Variants in SNTG1 observed in about 807,000 individuals in gnomAD.
The protein encoded by SNTG1 is gamma-1-syntrophin.
SNTG1 carries 39 observed loss-of-function variants against 74.7 expected under a neutral mutation model. That is an observed-to-expected ratio of 0.52 (90% CI 0.40 to 0.68). SNTG1 has a LOEUF of 0.68. SNTG1 is among the 30% of genes least tolerant of loss of function. The probability of loss-of-function intolerance (pLI) is 0.00; values close to 1 mark genes in which losing one functional copy is unlikely to be tolerated. For missense variants in SNTG1, 685 were observed against 609.5 expected (o/e 1.12, Z -1.30); for synonymous variants, 254 against 217.1 (o/e 1.17, Z -1.49).
In SNTG1 at chr8:49,971,404, A is replaced by G. The variant is rs192638212; in HGVS notation, c.-103+59173A>G. Among the ~76,000 whole-genome samples the G allele has an allele frequency of 9.2e-3, 1,400 of 152,298 alleles. 28 individuals carry two copies. The highest frequency in any genetic ancestry group is 0.03 in the African/African-American group (1,230 of 41,542). ...AGCTATCTATGACAAACCCACAGCC[A>G]ATATCATACTGAATGGGCAAAAACT... On this transcript the variant is annotated intron_variant, in intron 1 of 18. Transcript: ENST00000642720.
chr8:50,151,921 T>C (rs2082082840), intron 1 of SNTG1, among the ~76,000 whole-genome samples: 1 of 152,186 alleles, frequency 6.6e-6, no homozygotes, highest in Non-Finnish European at 1.5e-5. Context: ...AGATATCTAT[T>C]AGGTCAGCTT....
At chr8:50,467,591 ATGTTTCATTATTTTTTCCC>A (rs1294956036) in intron 8 of SNTG1, among the ~76,000 whole-genome samples, 2 of 151,662 alleles carry the variant, frequency 1.3e-5, no homozygotes, top group Non-Finnish European at 3.0e-5. Context: ...AACAAGCATT[ATGTTTCATTATTTTTTCCC>A]TGTTGTTTTT....
chr8:50,484,090 CTCTTTCTTTCTCTCTT>C (rs2093763395), intron 8 of SNTG1, among the ~76,000 whole-genome samples: 1 of 138,516 alleles, frequency 7.2e-6, no homozygotes, highest in African/African-American at 2.7e-5. Flanking sequence ...TTTTCTTTCT[CTCTTTCTTTCTCTCTT>C]TCTTTCTTTC....
At chr8:50,034,480 C>CTTTGTTTGAAA (rs1817984953) in intron 1 of SNTG1, among the ~76,000 whole-genome samples, 1 of 151,808 alleles carries the variant, frequency 6.6e-6, no homozygotes, top group Admixed American at 6.5e-5. Flanking sequence ...AAGCTAATTC[C>CTTTGTTTGAAA]TTTGTTTGAA....
At position 50,775,661 on chromosome 8, in the gene SNTG1, A is replaced by G. The variant is rs543946131; in HGVS notation, c.1396-17010A>G. Among the ~76,000 whole-genome samples the G allele has an allele frequency of 2.0e-5, 3 of 151,776 alleles. No individual in the cohort carries two copies. The East Asian group carries it at 5.8e-4, about 29-fold the overall frequency. The stretch of plus-strand genomic sequence containing the variant: ...TGATGGTGTTTTCTAATTCTTCTAC[A>G]TTCCTGTTGATGTTCTGTTTAACTC... On this transcript the variant is annotated intron_variant, in intron 18 of 18. Transcript: ENST00000642720.
At chr8:49,941,541 A>T (rs1401118183) in intron 1 of SNTG1, among the ~76,000 whole-genome samples, 1 of 148,740 alleles carries the variant, frequency 6.7e-6, no homozygotes, top group Non-Finnish European at 1.5e-5. Flanking sequence ...TTATATATAT[A>T]TATATATGCA....
chr8:50,697,030 G>T (rs79854579), intron 15 of SNTG1, among the ~76,000 whole-genome samples: 3,294 of 151,964 alleles, frequency 0.022, 100 homozygotes, highest in African/African-American at 0.071. Context: ...AAATTGTTTT[G>T]GGAAATATGG....
chr8:50,115,489 A>T (rs1214136443), intron 1 of SNTG1, among the ~76,000 whole-genome samples: 3 of 147,670 alleles, frequency 2.0e-5, no homozygotes, highest in East Asian at 4.1e-4. Flanking sequence ...TGCTGGAGGA[A>T]CCCTGGAGGC....
In SNTG1 at chr8:50,601,152, C is replaced by CAAAAAAAAAAAA. The variant is rs71235311; in HGVS notation, c.849+10256_849+10267dup. 5.2e-3 allele frequency among the ~76,000 whole-genome samples: 163 copies of CAAAAAAAAAAAA among 31,438 alleles called. 53 individuals are homozygous for CAAAAAAAAAAAA. Among genetic ancestry groups the CAAAAAAAAAAAA allele is most frequent in the African/African-American group, 0.028 (143 of 5,080 alleles). 20.6% of individuals were successfully genotyped at this position (31,438 alleles called of 152,430 possible). A position where few individuals can be genotyped will look rare whatever the true frequency, so the allele number is the denominator to read the frequency against. ...CAGCCTGGTGACAGAGCCAGCGAGA[C>CAAAAAAAAAAAA]AAAAAAAAAAAAAAAAAAAAAAAAA... On this transcript the variant is annotated intron_variant, in intron 13 of 18. Transcript: ENST00000642720.
intron 4 of SNTG1, among the ~76,000 whole-genome samples, chr8:50,409,341 C>T (rs1380938652): frequency 1.3e-5 from 2 of 152,170 alleles, no homozygotes; most frequent in African/African-American, 4.8e-5. Context: ...TGCTTTCCCC[C>T]AGTGCCTTTT....
At chr8:50,135,687 A>T (rs2131429114) in intron 1 of SNTG1, among the ~76,000 whole-genome samples, 1 of 152,280 alleles carries the variant, frequency 6.6e-6, no homozygotes, top group African/African-American at 2.4e-5. Context: ...TTTCAGTAGT[A>T]GTGGAATATT....
intron 1 of SNTG1, among the ~76,000 whole-genome samples, chr8:50,038,822 A>G (rs1818377919): frequency 6.6e-6 from 1 of 152,022 alleles, no homozygotes; most frequent in Non-Finnish European, 1.5e-5. Flanking sequence ...ACATACCAGG[A>G]CTCTATGGAC....
intron 13 of SNTG1, among the ~76,000 whole-genome samples, chr8:50,617,636 C>T (rs578106408): frequency 2.9e-4 from 44 of 152,246 alleles, no homozygotes; most frequent in African/African-American, 9.9e-4. Context: ...TCTCAAGAGC[C>T]GAGCTCCCCG....
chr8:50,376,756 T>TATATATATATATATAGAGAGAGAGAG (rs1381048539), intron 2 of SNTG1, among the ~76,000 whole-genome samples: 8 of 89,948 alleles, frequency 8.9e-5, no homozygotes, highest in Non-Finnish European at 1.3e-4. Flanking sequence ...TATATATATA[T>TATATATATATATATAGAGAGAGAGAG]AGAGAGAGAG....
chr8:50,300,282 T>C (rs1197831816), intron 2 of SNTG1, among the ~76,000 whole-genome samples: 43 of 152,280 alleles, frequency 2.8e-4, no homozygotes, highest in Non-Finnish European at 1.8e-4. Context: ...TGAAGACTTT[T>C]GTTAGTTGTT....
At chr8:50,504,302 A>G (rs2093988429) in intron 9 of SNTG1, among the ~76,000 whole-genome samples, 1 of 152,146 alleles carries the variant, frequency 6.6e-6, no homozygotes, top group Non-Finnish European at 1.5e-5. Context: ...GCTGCAATGA[A>G]CATACACATG....
chr8:50,701,265 G>T lies in SNTG1; in HGVS notation c.1039-3335G>T, dbSNP rs145852416. On this transcript the variant is annotated intron_variant, in intron 15 of 18. Coordinates refer to ENST00000642720, the MANE Select transcript of SNTG1 (RefSeq NM_018967.5). ...AGCTAAGGTAGATGTTGAAATATCTGCAGTATAAAGAGAGGGCATACTAAA... is the reference window on the plus strand; with the variant it reads ...AGCTAAGGTAGATGTTGAAATATCTTCAGTATAAAGAGAGGGCATACTAAA... Among the ~76,000 whole-genome samples, 584 of 152,252 alleles carry T rather than the reference G, an allele frequency of 3.8e-3. 5 individuals are homozygous for T. Among genetic ancestry groups the T allele is most frequent in the African/African-American group, 0.011 (471 of 41,548 alleles).
chr8:50,390,526 G>A (rs2092642404), intron 2 of SNTG1, among the ~76,000 whole-genome samples: 1 of 152,052 alleles, frequency 6.6e-6, no homozygotes, highest in African/African-American at 2.4e-5. Flanking sequence ...TTGTTCTTTT[G>A]GCTTAGGATT....
At chr8:50,494,371 A>T (rs1251357996) in intron 8 of SNTG1, among the ~76,000 whole-genome samples, 1 of 151,836 alleles carries the variant, frequency 6.6e-6, no homozygotes, top group African/African-American at 2.4e-5. Flanking sequence ...CGTTTATTTT[A>T]TTTATACTAC....
Sources: allele counts gnomAD v4.1 joint callset (sites outside exome capture counted in the v4.1 genomes callset), GRCh38; gene constraint gnomAD v4.1.1; transcripts MANE v1.5; gene names NCBI Gene and HGNC (gene_info 2026-07-23, HGNC 2026-07-21).